The following MEF2C variants were observed in gnomAD, a reference collection of about 807,000 sequenced individuals.
MEF2C encodes myocyte-specific enhancer factor 2C.
Under a neutral mutation model 50.5 loss-of-function variants are expected in MEF2C, and 6 were observed. The observed-to-expected ratio is 0.12, with a 90% CI of 0.07 to 0.23. The LOEUF (loss-of-function observed/expected upper bound fraction) is 0.23, where lower values mean the gene tolerates loss of function less well. MEF2C is among the 10% of genes least tolerant of loss of function. The pLI, the probability that MEF2C is intolerant of heterozygous loss-of-function variation, is 1.00. For missense variants in MEF2C, 276 were observed against 605.0 expected, an observed-to-expected ratio of 0.46 and a Z score of 5.70; for synonymous variants, 183 against 228.0, an observed-to-expected ratio of 0.80 and a Z score of 1.78.
At chr5:88,851,838 T>C (rs1821479778) in intron 1 of MEF2C, among the ~76,000 whole-genome samples, 1 of 152,158 alleles carries the variant, frequency 6.6e-6, no homozygotes, top group Non-Finnish European at 1.5e-5. Context: ...ATTTTCAGCA[T>C]CTCAAAGAGA....
At chr5:88,816,130 G>T (rs1482642447) in intron 2 of MEF2C, among the ~76,000 whole-genome samples, 1 of 152,022 alleles carries the variant, frequency 6.6e-6, no homozygotes, top group Non-Finnish European at 1.5e-5. Flanking sequence ...GTTCAAAGAA[G>T]AGTGACAGAA....
At chr5:88,765,433 T>C (rs1779620865) in intron 3 of MEF2C, among the ~76,000 whole-genome samples, 1 of 152,234 alleles carries the variant, frequency 6.6e-6, no homozygotes, top group Non-Finnish European at 1.5e-5. Flanking sequence ...AATGTGGAAC[T>C]ATAAGAGCAG....
chr5:88,731,104 C>T lies in MEF2C; in HGVS notation c.810+625G>A, dbSNP rs190191816. On this transcript the variant is annotated intron_variant, in intron 7 of 10. Transcript: ENST00000504921. ...TATCTTCCTTAGAGGTGCTACAATT[C>T]TTTTTTGATGTAAAATATAACCTTT... Among the ~76,000 whole-genome samples the T allele has an allele frequency of 5.7e-3, 865 of 152,192 alleles. 1 individual carries two copies. The highest frequency in any genetic ancestry group is 0.014 in the Middle Eastern group (4 of 294).
intron 10 of MEF2C, among the ~76,000 whole-genome samples, chr5:88,723,876 T>C (rs879928816): frequency 6.6e-6 from 1 of 152,230 alleles, no homozygotes; most frequent in Non-Finnish European, 1.5e-5. Flanking sequence ...GAATAATTTT[T>C]CCTTTTTCCA....
At chr5:88,888,479 A>G (rs975995819) in intron 1 of MEF2C, among the ~76,000 whole-genome samples, 3 of 152,192 alleles carry the variant, frequency 2.0e-5, no homozygotes, top group Admixed American at 1.3e-4. Context: ...GAAATGAAAA[A>G]TTTTGGCCAG....
At chr5:88,743,872 T>C in intron 6 of MEF2C, 1 of 957,496 alleles carries the variant, frequency 1.0e-6, no homozygotes, top group African/African-American at 1.8e-5. Flanking sequence ...TGTTAGTTTC[T>C]TTTTTATAAA....
chr5:88,742,043 G>A (rs1234186145), intron 6 of MEF2C: 8 of 985,202 alleles, frequency 8.1e-6, no homozygotes, highest in African/African-American at 1.7e-5. Flanking sequence ...AAGTGTAACT[G>A]CAAAATTTAA....
At chr5:88,795,833 C>T (rs1031051496) in intron 3 of MEF2C, among the ~76,000 whole-genome samples, 3 of 152,038 alleles carry the variant, frequency 2.0e-5, no homozygotes, top group Admixed American at 1.3e-4. Flanking sequence ...TAGTTTATTG[C>T]GAGTTTTTAG....
At chr5:88,733,578 A>G (rs1445329490) in intron 6 of MEF2C, 24 of 985,288 alleles carry the variant, frequency 2.4e-5, no homozygotes, top group East Asian at 1.1e-4. Context: ...GAGCAAAGGT[A>G]TATTTCAGGA....
At chr5:88,812,098 C>T (rs1052978379) in intron 2 of MEF2C, among the ~76,000 whole-genome samples, 23 of 152,096 alleles carry the variant, frequency 1.5e-4, no homozygotes, top group African/African-American at 5.3e-4. Flanking sequence ...CAGGCTTAGT[C>T]GCTCCTTGAA....
chr5:88,743,141 A>T lies in MEF2C; in HGVS notation c.637+5929T>A, dbSNP rs1016097280. The T allele has an allele frequency of 9.0e-5, 83 of 922,796 alleles. No homozygotes were observed. The African/African-American group carries it at 1.1e-3, about 12-fold the overall frequency. The allele number at this position is 922,796 out of a possible 1,614,324, so 57.2% of individuals were successfully genotyped here. A position where few individuals can be genotyped will look rare whatever the true frequency, so the allele number is the denominator to read the frequency against. On this transcript the variant is annotated intron_variant, in intron 6 of 10. Coordinates refer to ENST00000504921, the MANE Select transcript of MEF2C (RefSeq NM_002397.5). ...TTCATTTGCTGCTTAATAATATTTT[A>T]AAAATAATATAAAAATTATATCTTT...
At chr5:88,754,672 G>C (rs1319501942) in intron 4 of MEF2C, among the ~76,000 whole-genome samples, 6 of 152,154 alleles carry the variant, frequency 3.9e-5, no homozygotes, top group Non-Finnish European at 1.5e-5. Flanking sequence ...GATAACTGCA[G>C]TCACGTCCTA....
intron 1 of MEF2C, chr5:88,843,231 TG>T: frequency 1.5e-6 from 1 of 650,736 alleles, no homozygotes; most frequent in Non-Finnish European, 1.9e-6. Context: ...TTTAATTCTA[TG>T]GTAAAAAAAA....
At chr5:88,866,886 T>C (rs1463284165) in intron 1 of MEF2C, among the ~76,000 whole-genome samples, 2 of 152,228 alleles carry the variant, frequency 1.3e-5, no homozygotes, top group East Asian at 3.8e-4. Flanking sequence ...GGCTCTGTTA[T>C]ACATCTCACA....
In MEF2C at chr5:88,865,989, G is replaced by T. The variant is rs565769250; in HGVS notation, c.-143+16966C>A. Reference sequence around the variant, plus strand: ...CGGCTCACTGCAAGCTCCGCCTCCTGGGTTCACGCCATTCTCCTGCCTCAG... The same window carrying T: ...CGGCTCACTGCAAGCTCCGCCTCCTTGGTTCACGCCATTCTCCTGCCTCAG... On this transcript the variant is annotated intron_variant, in intron 1 of 10. Transcript: ENST00000504921. Among the ~76,000 whole-genome samples, 30 of 151,874 alleles carry T rather than the reference G, an allele frequency of 2.0e-4. No homozygotes were observed. The South Asian group carries it at 6.0e-3, about 31-fold the overall frequency.
intron 10 of MEF2C, among the ~76,000 whole-genome samples, chr5:88,724,984 C>T (rs886077847): frequency 3.5e-4 from 54 of 152,166 alleles, no homozygotes; most frequent in African/African-American, 1.3e-3. Context: ...TATGTCTTCA[C>T]AGGGAGGGTG....
intron 1 of MEF2C, among the ~76,000 whole-genome samples, chr5:88,827,914 T>TG: frequency 7.0e-6 from 1 of 142,078 alleles, no homozygotes; most frequent in East Asian, 2.1e-4. Flanking sequence ...GCTCCCACAT[T>TG]AAAAAAAAAA....
At chr5:88,865,866 C>T (rs1256276729) in intron 1 of MEF2C, among the ~76,000 whole-genome samples, 1 of 152,050 alleles carries the variant, frequency 6.6e-6, no homozygotes, top group East Asian at 1.9e-4. Context: ...CACATTGAAT[C>T]CCCAAATCTT....
intron 2 of MEF2C, among the ~76,000 whole-genome samples, chr5:88,808,335 T>C (rs1332491687): frequency 6.6e-5 from 10 of 152,182 alleles, no homozygotes; most frequent in Non-Finnish European, 1.5e-5. Flanking sequence ...ACAAGCTATA[T>C]GTGGAATGTC....
Sources: allele counts gnomAD v4.1 joint callset (sites outside exome capture counted in the v4.1 genomes callset), GRCh38; gene constraint gnomAD v4.1.1; transcripts MANE v1.5; gene names NCBI Gene and HGNC (gene_info 2026-07-23, HGNC 2026-07-21).